Variants in MYOCD observed in about 807,000 individuals in gnomAD.
MYOCD encodes the protein myocardin.
A neutral mutation model predicts 96.1 loss-of-function variants in MYOCD; 32 were observed. The observed-to-expected ratio is 0.33, with a 90% confidence interval of 0.25 to 0.45. MYOCD has a LOEUF of 0.45. Ranked by LOEUF, MYOCD falls within the 20% of genes least tolerant of loss-of-function variation. MYOCD has a pLI of 1.00. For synonymous variants in MYOCD, 469 were observed against 469.0 expected (o/e 1.00, Z 0.00); for missense variants, 1,133 against 1,200.6 (o/e 0.94, Z 0.83).
intron 5 of MYOCD, among the ~76,000 whole-genome samples, chr17:12,730,010 A>T (rs927981708): frequency 5.9e-5 from 9 of 152,030 alleles, no homozygotes; most frequent in African/African-American, 2.2e-4. Context: ...AGCCAGGCAT[A>T]CTGGTGCATG....
intron 9 of MYOCD, among the ~76,000 whole-genome samples, chr17:12,749,940 T>C (rs1032521281): frequency 4.6e-5 from 7 of 151,848 alleles, no homozygotes; most frequent in Non-Finnish European, 7.4e-5. Context: ...AGCTCCGCCT[T>C]CCGGGTTCAC....
intron 10 of MYOCD, among the ~76,000 whole-genome samples, chr17:12,755,468 G>A (rs746950506): frequency 6.6e-6 from 1 of 152,136 alleles, no homozygotes; most frequent in Non-Finnish European, 1.5e-5. Flanking sequence ...AATTAGGCCA[G>A]GCACAGTGGC....
chr17:12,737,884 G>A (rs1167645739), intron 6 of MYOCD, among the ~76,000 whole-genome samples: 1 of 152,178 alleles, frequency 6.6e-6, no homozygotes, highest in African/African-American at 2.4e-5. Flanking sequence ...GGAGGAAAAA[G>A]GGAGGCATGG....
intron 1 of MYOCD, among the ~76,000 whole-genome samples, chr17:12,700,210 A>G (rs943208859): frequency 7.2e-5 from 11 of 151,838 alleles, no homozygotes; most frequent in Non-Finnish European, 1.5e-4. Context: ...CAACCAGTCA[A>G]TAAGCATATA....
At chr17:12,695,232 C>G (rs1213790089) in intron 1 of MYOCD, among the ~76,000 whole-genome samples, 1 of 152,160 alleles carries the variant, frequency 6.6e-6, no homozygotes, top group Non-Finnish European at 1.5e-5. Context: ...GGCTTGGTGT[C>G]TGATGAGGGC....
chr17:12,716,307 G>T (rs1003086467), intron 3 of MYOCD, among the ~76,000 whole-genome samples: 1 of 152,114 alleles, frequency 6.6e-6, no homozygotes, highest in African/African-American at 2.4e-5. Flanking sequence ...ACTACCTGGA[G>T]AATAACAAAG....
At chr17:12,741,735 C>G (rs1224433326) in intron 7 of MYOCD, among the ~76,000 whole-genome samples, 1 of 151,146 alleles carries the variant, frequency 6.6e-6, no homozygotes, top group Non-Finnish European at 1.5e-5. Context: ...AAAAAATTAG[C>G]AAAGCCTTCA....
chr17:12,721,450 T>A (rs1264854110), intron 4 of MYOCD, among the ~76,000 whole-genome samples: 1 of 151,932 alleles, frequency 6.6e-6, no homozygotes, highest in Non-Finnish European at 1.5e-5. Context: ...ACAGGAAGAG[T>A]TAGGAAAGCC....
At chr17:12,727,737 A>G (rs1396174780) in intron 5 of MYOCD, among the ~76,000 whole-genome samples, 2 of 152,192 alleles carry the variant, frequency 1.3e-5, no homozygotes, top group African/African-American at 4.8e-5. Context: ...CTCCCAACAC[A>G]GGGAAGGACA....
chr17:12,669,669 A>G (rs1412847747), intron 1 of MYOCD, among the ~76,000 whole-genome samples: 1 of 151,682 alleles, frequency 6.6e-6, no homozygotes, highest in African/African-American at 2.4e-5. Context: ...CCCAGGCTGG[A>G]GTGCAGTGTC....
At chr17:12,745,153 G>A (rs957102998) in intron 8 of MYOCD, among the ~76,000 whole-genome samples, 3 of 152,136 alleles carry the variant, frequency 2.0e-5, no homozygotes, top group Admixed American at 1.3e-4. Flanking sequence ...CTGAGCCCAG[G>A]TTGTGTGACC....
Position 12,739,171 on chromosome 17 carries a change from T to C in MYOCD, c.592-32T>C, listed in dbSNP as rs1220205600. The C allele has an allele frequency of 3.1e-6, 5 of 1,588,060 alleles. No individual in the cohort carries two copies. The African/African-American group carries it at 4.0e-5, about 13-fold the overall frequency. On this transcript the variant is annotated intron_variant, in intron 6 of 13. Transcript: ENST00000425538. ...CTGTGTCACACAACTTATTCCTGTA[T>C]CTTCCTAATATCGGTAACATTTGGA...
At chr17:12,760,487 A>G in intron 12 of MYOCD, 163 bp from the exon 13 acceptor site, 1 of 624,218 alleles carries the variant, frequency 1.6e-6, no homozygotes, top group Middle Eastern at 4.4e-4. Context: ...ACACTTAAAA[A>G]TGGTTGATAG....
At chr17:12,713,685 T>G (rs1240991381) in intron 2 of MYOCD, among the ~76,000 whole-genome samples, 1 of 152,134 alleles carries the variant, frequency 6.6e-6, no homozygotes, top group Non-Finnish European at 1.5e-5. Flanking sequence ...AGACTTTGTA[T>G]CATAATCTGG....
At chr17:12,699,624 A>G (rs1294546333) in intron 1 of MYOCD, among the ~76,000 whole-genome samples, 1 of 152,142 alleles carries the variant, frequency 6.6e-6, no homozygotes, top group East Asian at 1.9e-4. Flanking sequence ...AATTATGCTC[A>G]TCGTTTTTTC....
At chr17:12,753,373 TG>T (rs1449530873) in intron 10 of MYOCD, 27 bp downstream of exon 10, 1 of 1,514,110 alleles carries the variant, frequency 6.6e-7, no homozygotes, top group Admixed American at 2.2e-5. Context: ...CCATGCCTGG[TG>T]CACACTTCTT....
intron 5 of MYOCD, among the ~76,000 whole-genome samples, chr17:12,726,886 T>G (rs780352763): frequency 5.3e-5 from 8 of 152,110 alleles, no homozygotes; most frequent in Non-Finnish European, 7.4e-5. Flanking sequence ...GTTCTTTGAG[T>G]TTTTTTCAAT....
rs1437287169 is a variant in MYOCD, at chr17:12,767,523, A to C, written c.*3879A>C. 2 of 152,174 alleles carry C rather than the reference A, an allele frequency of 1.3e-5. No individual in the cohort carries two copies. Among genetic ancestry groups the C allele is most frequent in the Non-Finnish European group, 2.9e-5 (2 of 68,034 alleles). The allele number at this position is 152,174 out of a possible 1,614,324, so 9.4% of individuals were successfully genotyped here. Reference sequence around the variant, plus strand: ...AATTGATTCAGCACAGATTGTTCAGATTTGAATGACCAGGGAGTTGTATTT... The same window carrying C: ...AATTGATTCAGCACAGATTGTTCAGCTTTGAATGACCAGGGAGTTGTATTT... On this transcript the variant is annotated 3_prime_UTR_variant, in exon 14 of 14. Transcript: ENST00000425538.
At chr17:12,690,924 A>G (rs959462923) in intron 1 of MYOCD, among the ~76,000 whole-genome samples, 6 of 152,230 alleles carry the variant, frequency 3.9e-5, no homozygotes, top group Non-Finnish European at 8.8e-5. Context: ...TTACGTGTGT[A>G]TAATTCCAGA....
Sources: gnomAD v4.1 joint callset for allele counts (sites outside exome capture counted in the v4.1 genomes callset) on GRCh38, gnomAD v4.1.1 for gene constraint, MANE v1.5 for transcripts, NCBI Gene and HGNC (gene_info 2026-07-23, HGNC 2026-07-21) for gene names.